The following PDXK variants were observed in gnomAD, a reference collection of about 807,000 sequenced individuals.
PDXK encodes the protein epididymis secretory sperm binding protein Li 1a.
PDXK carries 15 observed loss-of-function variants against 43.2 expected under a neutral mutation model. The observed-to-expected ratio is 0.35, with a 90% CI of 0.23 to 0.53. The LOEUF (loss-of-function observed/expected upper bound fraction) is 0.53, where lower values mean the gene tolerates loss of function less well. Among genes scored for constraint, PDXK ranks in the 20% least tolerant of loss-of-function variants. PDXK has a pLI of 0.92. For missense variants in PDXK, 343 were observed against 417.0 expected (o/e 0.82, Z 1.54); for synonymous variants, 172 against 165.4 (o/e 1.04, Z -0.31).
Position 43,723,130 on chromosome 21 carries a change from C to T in PDXK, c.87+3749C>T, listed in dbSNP as rs1031140095. Among the ~76,000 whole-genome samples the T allele has an allele frequency of 6.6e-6, 1 of 151,582 alleles. No individual in the cohort carries two copies. Among genetic ancestry groups the T allele is most frequent in the African/African-American group, 2.4e-5 (1 of 41,212 alleles). ...TGGGATTACAGGCATGGGGCCACCA[C>T]GCCTGGCCTTCTTTTTCTTTTTCTT... On this transcript the variant is annotated intron_variant, in intron 1 of 10. Transcript: ENST00000291565. The surrounding 1 kb of genome is among the most constrained non-coding windows in gnomAD (Gnocchi z 4.1).
rs111919944 is a variant in PDXK, at chr21:43,728,970, T to C, written c.88-5099T>C. The C allele has an allele frequency of 2.1e-3, 2,064 of 985,602 alleles. 36 individuals are homozygous for C. The African/African-American group carries it at 0.033, about 16-fold the overall frequency. The allele number at this position is 985,602 out of a possible 1,614,324, so 61.1% of individuals were successfully genotyped here. On this transcript the variant is annotated intron_variant, in intron 1 of 10. Coordinates refer to ENST00000291565, the MANE Select transcript of PDXK (RefSeq NM_003681.5). ...CCAGGGCAGAGTGTAGCCATCTGAC[T>C]GGCTTTCTCTCTCGGCAGGAGACGG...
chr21:43,746,250 A>G (rs2083636771), intron 5 of PDXK, 125 bp downstream of exon 5: 1 of 776,668 alleles, frequency 1.3e-6, no homozygotes, highest in South Asian at 1.4e-5. Flanking sequence ...GGGTAAAAAG[A>G]CAAACCTTGT....
At chr21:43,741,807 C>T in intron 3 of PDXK, 36 bp downstream of exon 3, 2 of 1,376,442 alleles carry the variant, frequency 1.5e-6, no homozygotes, top group East Asian at 2.3e-5. Flanking sequence ...GGGGACTACG[C>T]ACCCCACTCC....
Position 43,723,092 on chromosome 21 carries a change from C to T in PDXK, c.87+3711C>T, listed in dbSNP as rs375809856. Among the ~76,000 whole-genome samples the T allele has an allele frequency of 9.2e-5, 14 of 151,992 alleles. No individual in the cohort carries two copies. The South Asian group carries it at 2.9e-3, about 32-fold the overall frequency. ...TGACCTCGTGATCCGCCCACCTCGGCCTCCCAAAGTACTGGGATTACAGGC... is the reference window on the plus strand; with the variant it reads ...TGACCTCGTGATCCGCCCACCTCGGTCTCCCAAAGTACTGGGATTACAGGC... On this transcript the variant is annotated intron_variant, in intron 1 of 10. Transcript: ENST00000291565. This position sits in a 1 kb window ranked among gnomAD's most constrained non-coding sequence, Gnocchi z 4.1.
At chr21:43,719,721 C>T in intron 1 of PDXK, 1 of 985,466 alleles carries the variant, frequency 1.0e-6, no homozygotes, top group Non-Finnish European at 1.2e-6. Context: ...GCGGGCGGTG[C>T]GGCTCCCGGA....
Position 43,749,077 on chromosome 21 carries a change from C to T in PDXK, c.461C>T (p.Ala154Val). Residue 154 changes from alanine (A) to valine (V), a missense_variant, in exon 6 of 11, where the codon GCC becomes GTC. Transcript: ENST00000291565. ...ADIITPNQFEAELLSGRKIHS... is the reference protein window; with the variant it reads ...ADIITPNQFEVELLSGRKIHS... ...ATTATCACGCCCAACCAGTTTGAGG[C>T]CGAGTAAGTCATTTTATTTTATTTT... 6.3e-7 allele frequency: 1 copy of T among 1,578,730 alleles called. No homozygotes were observed. Among genetic ancestry groups the T allele is most frequent in the Non-Finnish European group, 8.7e-7 (1 of 1,151,238 alleles).
chr21:43,752,224 C>T (rs1157339704), intron 7 of PDXK, among the ~76,000 whole-genome samples: 2 of 152,250 alleles, frequency 1.3e-5, no homozygotes, highest in Non-Finnish European at 1.5e-5. Context: ...AGCTCCTCCT[C>T]GCTGCAGGAC....
At chr21:43,742,246 C>CATAG (rs1568984798) in intron 3 of PDXK, among the ~76,000 whole-genome samples, 1 of 152,204 alleles carries the variant, frequency 6.6e-6, no homozygotes, top group East Asian at 1.9e-4. Context: ...ATGGCACAAT[C>CATAG]ATAGCTCACT....
At chr21:43,731,799 G>T (rs948818993) in intron 1 of PDXK, among the ~76,000 whole-genome samples, 1 of 152,232 alleles carries the variant, frequency 6.6e-6, no homozygotes, top group Non-Finnish European at 1.5e-5. Flanking sequence ...AATCGTAGAG[G>T]CCGTTGTTCA....
At chr21:43,736,004 C>T (rs1165967180) in intron 2 of PDXK, among the ~76,000 whole-genome samples, 2 of 152,208 alleles carry the variant, frequency 1.3e-5, no homozygotes, top group Admixed American at 6.5e-5. Context: ...CCGTGCAGCC[C>T]CTCAGCCCCT....
Position 43,759,046 on chromosome 21 carries a change from GA to G in PDXK, c.*2984del, listed in dbSNP as rs1159796562. 1 of 152,258 alleles carries G rather than the reference GA, an allele frequency of 6.6e-6. No homozygotes were observed. The highest frequency in any genetic ancestry group is 1.5e-5 in the Non-Finnish European group (1 of 68,050). The allele number at this position is 152,258 out of a possible 1,614,324, so 9.4% of individuals were successfully genotyped here. On this transcript the variant is annotated 3_prime_UTR_variant, in exon 11 of 11. Transcript: ENST00000291565. ...GCTGGCTTGGCTTAGCCACGCTGAT[GA>G]GTAAGTGAGGGATGTCTCCATCTTG...
rs765630708 is a variant in PDXK, at chr21:43,746,113, C to T, written c.366C>T (p.Gly122=). 1.4e-5 allele frequency: 22 copies of T among 1,612,908 alleles called. No homozygotes were observed. Among genetic ancestry groups the T allele is most frequent in the African/African-American group, 1.2e-4 (9 of 74,872 alleles). The change falls in exon 5 of 11, where the codon GGC becomes GGT. Residue 122 remains glycine, a synonymous_variant. Transcript: ENST00000291565. ...CAGTCTTGGGTGACAAGTGGGACGGCGAAGGCTCGATGGTGAGTAGTTTCA... is the reference window on the plus strand; with the variant it reads ...CAGTCTTGGGTGACAAGTGGGACGGTGAAGGCTCGATGGTGAGTAGTTTCA... ...CDPVLGDKWD[G]EGSMYVPEDL... is the part of the protein sequence containing the mutation.
rs2083472421 is a variant in PDXK, at chr21:43,740,242, T to G, written c.143-1425T>G. Among the ~76,000 whole-genome samples, 2 of 152,074 alleles carry G rather than the reference T, an allele frequency of 1.3e-5. 1 individual carries two copies. Among genetic ancestry groups the G allele is most frequent in the African/African-American group, 4.8e-5 (2 of 41,438 alleles). On this transcript the variant is annotated intron_variant, in intron 2 of 10. Transcript: ENST00000291565. ...TGCTGGGGAAAGCCAAAGGCGTCCC[T>G]TCCAGCGGGAGCCAGCGACTGGTAC... is the stretch of plus-strand genomic sequence containing the variant.
At chr21:43,728,910 A>G (rs962429963) in intron 1 of PDXK, 7 of 985,360 alleles carry the variant, frequency 7.1e-6, no homozygotes, top group African/African-American at 7.0e-5. Flanking sequence ...AAGCCATCCC[A>G]CTGGCCTGGA....
rs1601847613 is a variant in PDXK at position 43,760,038 on chromosome 21, G to C, written c.*3975G>C. The C allele has an allele frequency of 6.9e-6, 1 of 145,050 alleles. No homozygotes were observed. Among genetic ancestry groups the C allele is most frequent in the South Asian group, 2.1e-4 (1 of 4,700 alleles). The allele number at this position is 145,050 out of a possible 1,614,324, so 9.0% of individuals were successfully genotyped here. ...ACACCGTCCCCACTCCGGACTCCCA[G>C]CACAGGGGAGGATACCTGAGCCTGT... is the stretch of plus-strand genomic sequence containing the variant. On this transcript the variant is annotated 3_prime_UTR_variant, in exon 11 of 11. Transcript: ENST00000291565.
rs368130586 is a variant in PDXK at position 43,755,031 on chromosome 21, TG to T, written c.760-665del. Among the ~76,000 whole-genome samples the T allele has an allele frequency of 1.3e-3, 201 of 152,230 alleles. 1 individual carries two copies. Among genetic ancestry groups the T allele is most frequent in the African/African-American group, 4.6e-3 (191 of 41,550 alleles). On this transcript the variant is annotated intron_variant, in intron 9 of 10. Coordinates refer to ENST00000291565, the MANE Select transcript of PDXK (RefSeq NM_003681.5). ...ATTAAGTAAGCCTGCCGTGTTTAAT[TG>T]GTGGTGCAGGGCAGTGGAAAAGTGC...
chr21:43,729,222 C>A (rs1048355877), intron 1 of PDXK, among the ~76,000 whole-genome samples: 2 of 152,270 alleles, frequency 1.3e-5, no homozygotes, highest in African/African-American at 4.8e-5. Context: ...GCGGAGACAG[C>A]CAGGCTGTCC....
intron 6 of PDXK, 38 bp from the exon 7 acceptor site, chr21:43,750,462 C>A: frequency 6.3e-7 from 1 of 1,576,368 alleles, no homozygotes; most frequent in Non-Finnish European, 8.7e-7. Context: ...AGGAGAGGCT[C>A]ACCTGTCCCC....
rs1192762093 is a variant in PDXK, at chr21:43,754,080, C to T, written c.759+361C>T. On this transcript the variant is annotated intron_variant, in intron 9 of 10. Transcript: ENST00000291565. This position sits in a 1 kb window ranked among gnomAD's most constrained non-coding sequence, Gnocchi z 5.5. ...TGTTGTGTCCTTGGTGACTTGGGGG[C>T]TGCTGCAGAGGAGTGGCACCCTGCA... Among the ~76,000 whole-genome samples, 1 of 152,216 alleles carries T rather than the reference C, an allele frequency of 6.6e-6. No individual in the cohort carries two copies. The highest frequency in any genetic ancestry group is 1.5e-5 in the Non-Finnish European group (1 of 68,044).
Sources: gnomAD v4.1 joint callset for allele counts (sites outside exome capture counted in the v4.1 genomes callset) on GRCh38, gnomAD v4.1.1 for gene constraint, Gnocchi (gnomAD v3.1) non-coding constraint, MANE v1.5 for transcripts, NCBI Gene and HGNC (gene_info 2026-07-23, HGNC 2026-07-21) for gene names.